IMMP2L: variants seen among roughly 807,000 people sequenced by gnomAD.
The protein encoded by IMMP2L is mitochondrial inner membrane protease subunit 2.
IMMP2L carries 18 observed loss-of-function variants against 19.3 expected under a neutral mutation model. The ratio of observed to expected loss-of-function variants is 0.93; its 90% CI spans 0.64 to 1.38. The LOEUF is 1.38. Ranked by LOEUF, IMMP2L falls within the 40% of genes most tolerant of loss-of-function variation. IMMP2L has a pLI of 0.00. For missense variants in IMMP2L, 233 were observed against 218.2 expected (o/e 1.07, Z -0.43); for synonymous variants, 76 against 73.0 (o/e 1.04, Z -0.21).
At chr7:111,241,717 A>T (rs1005940795) in intron 3 of IMMP2L, among the ~76,000 whole-genome samples, 7 of 151,128 alleles carry the variant, frequency 4.6e-5, no homozygotes, top group African/African-American at 1.7e-4. Flanking sequence ...ATATTATATA[A>T]GTATAAAGTG....
intron 3 of IMMP2L, among the ~76,000 whole-genome samples, chr7:111,083,078 T>C (rs1489902089): frequency 2.0e-5 from 3 of 152,154 alleles, no homozygotes; most frequent in African/African-American, 7.2e-5. Context: ...CTCAAATATA[T>C]TTAAAATATA....
At chr7:111,323,494 G>C (rs966583779) in intron 3 of IMMP2L, among the ~76,000 whole-genome samples, 2 of 152,052 alleles carry the variant, frequency 1.3e-5, no homozygotes, top group African/African-American at 4.8e-5. Context: ...GGAAACAAAA[G>C]CTGCTGGAGA....
intron 3 of IMMP2L, among the ~76,000 whole-genome samples, chr7:111,478,059 T>C (rs1439350965): frequency 1.3e-5 from 2 of 152,310 alleles, no homozygotes; most frequent in East Asian, 3.9e-4. Context: ...TCTATTAAGA[T>C]AATGCTTCTT....
At chr7:110,746,994 G>C (rs531022206) in intron 5 of IMMP2L, among the ~76,000 whole-genome samples, 10 of 152,156 alleles carry the variant, frequency 6.6e-5, no homozygotes, top group South Asian at 2.1e-4. Flanking sequence ...CAACAAAATT[G>C]ATAGACCACT....
At chr7:111,422,484 T>C (rs1835664250) in intron 3 of IMMP2L, among the ~76,000 whole-genome samples, 1 of 151,842 alleles carries the variant, frequency 6.6e-6, no homozygotes, top group Non-Finnish European at 1.5e-5. Flanking sequence ...TTTGTAGCAA[T>C]TGTGAATGGG....
At chr7:111,441,877 A>G (rs908209484) in intron 3 of IMMP2L, among the ~76,000 whole-genome samples, 3 of 151,756 alleles carry the variant, frequency 2.0e-5, no homozygotes, top group Non-Finnish European at 4.4e-5. Context: ...TGTGGCTCAC[A>G]CCTGTAATCC....
chr7:110,686,043 T>C (rs1196677018), intron 5 of IMMP2L, among the ~76,000 whole-genome samples: 2 of 152,142 alleles, frequency 1.3e-5, no homozygotes, highest in African/African-American at 4.8e-5. Flanking sequence ...ATGTTGCCAG[T>C]TTCTGATCAC....
intron 3 of IMMP2L, among the ~76,000 whole-genome samples, chr7:111,134,568 T>G (rs1802156541): frequency 6.6e-6 from 1 of 152,086 alleles, no homozygotes; most frequent in South Asian, 2.1e-4. Context: ...AGTATTAACT[T>G]ATCTCTTCTG....
intron 5 of IMMP2L, among the ~76,000 whole-genome samples, chr7:110,751,768 T>C (rs1797732313): frequency 6.6e-6 from 1 of 152,058 alleles, no homozygotes; most frequent in South Asian, 2.1e-4. Flanking sequence ...TGATCATGTG[T>C]AACATTAAAA....
intron 3 of IMMP2L, among the ~76,000 whole-genome samples, chr7:111,298,036 A>G (rs548581978): frequency 9.2e-5 from 14 of 152,276 alleles, no homozygotes; most frequent in African/African-American, 3.4e-4. Flanking sequence ...ATTTAAAATG[A>G]CATTATCTTA....
chr7:111,466,949 C>A (rs576974779), intron 3 of IMMP2L, among the ~76,000 whole-genome samples: 141 of 152,258 alleles, frequency 9.3e-4, no homozygotes, highest in Admixed American at 2.7e-3. Flanking sequence ...GGGACTTGAG[C>A]ATCTTTGGAT....
At chr7:111,540,158 C>T (rs1848388721) in intron 1 of IMMP2L, among the ~76,000 whole-genome samples, 1 of 152,112 alleles carries the variant, frequency 6.6e-6, no homozygotes. Flanking sequence ...AAAAGATCCA[C>T]CAAACTCATA....
intron 5 of IMMP2L, among the ~76,000 whole-genome samples, chr7:110,718,626 G>A (rs191471586): frequency 5.3e-5 from 8 of 152,166 alleles, no homozygotes; most frequent in South Asian, 4.1e-4. Flanking sequence ...GTTGGCAATC[G>A]TTTAAGTTGG....
At chr7:111,348,328 C>T (rs373632030) in intron 3 of IMMP2L, among the ~76,000 whole-genome samples, 52 of 152,092 alleles carry the variant, frequency 3.4e-4, no homozygotes, top group African/African-American at 1.2e-3. Context: ...AGATGAAATA[C>T]TTCTAAAGTG....
At chr7:110,666,973 G>GC (rs1330260680) in intron 5 of IMMP2L, among the ~76,000 whole-genome samples, 1 of 152,110 alleles carries the variant, frequency 6.6e-6, no homozygotes, top group Non-Finnish European at 1.5e-5. Flanking sequence ...CCAGGTTCAT[G>GC]CCATTCTCCT....
At position 111,460,035 on chromosome 7, in the gene IMMP2L, C is replaced by A. The variant is rs1286972534; in HGVS notation, c.239+27203G>T. Among the ~76,000 whole-genome samples the A allele has an allele frequency of 2.0e-5, 3 of 151,914 alleles. 1 individual carries two copies. In the East Asian group the frequency reaches 5.8e-4, roughly 29 times the overall value. On this transcript the variant is annotated intron_variant, in intron 3 of 5. Coordinates refer to ENST00000405709, the MANE Select transcript of IMMP2L (RefSeq NM_032549.4). ...TTTGTATTACTGCACCTCTAGAGGCCCCAGAAGACAACTAAAAACCAGGCA... is the reference window on the plus strand; with the variant it reads ...TTTGTATTACTGCACCTCTAGAGGCACCAGAAGACAACTAAAAACCAGGCA...
At chr7:110,929,953 T>C (rs1815286935) in intron 4 of IMMP2L, among the ~76,000 whole-genome samples, 1 of 152,124 alleles carries the variant, frequency 6.6e-6, no homozygotes, top group African/African-American at 2.4e-5. Context: ...AGATAACTGC[T>C]ATTAAATACT....
intron 3 of IMMP2L, among the ~76,000 whole-genome samples, chr7:111,065,313 G>A (rs1032946802): frequency 7.9e-5 from 12 of 152,032 alleles, no homozygotes; most frequent in African/African-American, 1.7e-4. Flanking sequence ...GTGCATTTCC[G>A]GTTGTAGAAA....
chr7:111,366,326 T>A (rs1192472772), intron 3 of IMMP2L, among the ~76,000 whole-genome samples: 16 of 149,646 alleles, frequency 1.1e-4, no homozygotes, highest in African/African-American at 3.9e-4. Context: ...ATGAGAAGCA[T>A]TCTATTAAAA....
Sources: allele counts gnomAD v4.1 joint callset (sites outside exome capture counted in the v4.1 genomes callset), GRCh38; gene constraint gnomAD v4.1.1; transcripts MANE v1.5; gene names NCBI Gene and HGNC (gene_info 2026-07-23, HGNC 2026-07-21).